The following RUFY4 variants were observed in gnomAD, a reference collection of about 807,000 sequenced individuals.
RUFY4 encodes the protein RUN and FYVE domain-containing protein 4.
A neutral mutation model predicts 69.0 loss-of-function variants in RUFY4; 73 were observed. The ratio of observed to expected loss-of-function variants is 1.06; its 90% confidence interval spans 0.88 to 1.29. The LOEUF (loss-of-function observed/expected upper bound fraction) is 1.29, where lower values mean the gene tolerates loss of function less well. Among genes scored for constraint, RUFY4 ranks in the 50% most tolerant of loss-of-function variants. The pLI, the probability that RUFY4 is intolerant of heterozygous loss-of-function variation, is 0.00. For synonymous variants in RUFY4, 287 were observed against 271.8 expected, an observed-to-expected ratio of 1.06 and a Z score of -0.55; for missense variants, 770 against 705.6, an observed-to-expected ratio of 1.09 and a Z score of -1.03.
chr2:218,050,703 T>C (rs1034077092), intron 2 of RUFY4, among the ~76,000 whole-genome samples: 1 of 152,242 alleles, frequency 6.6e-6, no homozygotes, highest in Non-Finnish European at 1.5e-5. Flanking sequence ...GTGTTATATT[T>C]GTCTCTGCTA....
At chr2:218,059,547 T>G (rs939990809) in intron 3 of RUFY4, 1 of 167,014 alleles carries the variant, frequency 6.0e-6, no homozygotes, top group Non-Finnish European at 1.5e-5. Context: ...TCTGGCTTAT[T>G]TCACTTAGCA....
At chr2:218,035,840 C>A (rs765437721) in intron 2 of RUFY4, among the ~76,000 whole-genome samples, 1 of 152,248 alleles carries the variant, frequency 6.6e-6, no homozygotes, top group Non-Finnish European at 1.5e-5. Context: ...TCTGCAACCT[C>A]TCCTCAAAGA....
rs375788087 is a variant in RUFY4, at chr2:218,048,753, T to TA, written c.-1157-9834dup. Among the ~76,000 whole-genome samples the TA allele has an allele frequency of 3.6e-3, 551 of 152,122 alleles. 3 individuals carry two copies. Among genetic ancestry groups the TA allele is most frequent in the African/African-American group, 0.012 (484 of 41,504 alleles). On this transcript the variant is annotated intron_variant and NMD_transcript_variant, in intron 2 of 13. Coordinates refer to the RUFY4 transcript ENST00000457754. The stretch of plus-strand genomic sequence containing the variant: ...TTGTACCTTGTAGGATTATGCCTTT[T>TA]AAAAAAAATCCCTTTAGTGTCATTT...
At chr2:218,070,504 T>C (rs1689460586) in exon 1 of RUFY4, 3 of 1,019,874 alleles carry the variant, frequency 2.9e-6, no homozygotes, top group Non-Finnish European at 4.4e-6. Context: ...CTGTAGGCTC[T>C]GCGTCCTGCT....
At chr2:218,067,984 G>A (rs1198477494), upstream of RUFY4, among the ~76,000 whole-genome samples, 2 of 152,226 alleles carry the variant, frequency 1.3e-5, no homozygotes, top group Non-Finnish European at 2.9e-5. Flanking sequence ...CCCTGGTGAT[G>A]CCAAACACCT....
chr2:218,042,784 A>G (rs1159669461), intron 2 of RUFY4, among the ~76,000 whole-genome samples: 1 of 152,212 alleles, frequency 6.6e-6, no homozygotes, highest in Non-Finnish European at 1.5e-5. Flanking sequence ...TCAAGACTCA[A>G]TCCAGTTTAT....
intron 8 of RUFY4, among the ~76,000 whole-genome samples, chr2:218,082,787 C>T (rs979663548): frequency 2.1e-5 from 3 of 145,064 alleles, no homozygotes; most frequent in Admixed American, 6.9e-5. Context: ...GTTGTGTGTG[C>T]GTTAAGTCTG....
chr2:218,082,929 T>C (rs1175546211), intron 8 of RUFY4, among the ~76,000 whole-genome samples, 181 bp from the exon 11 acceptor site: 1 of 51,372 alleles, frequency 1.9e-5, no homozygotes, highest in African/African-American at 6.0e-5. Flanking sequence ...TATTAGGGTG[T>C]GTGTTGTGTT....
chr2:218,038,265 GA>G (rs1009975935), intron 2 of RUFY4, among the ~76,000 whole-genome samples: 4 of 151,444 alleles, frequency 2.6e-5, no homozygotes, highest in African/African-American at 7.3e-5. Context: ...AAAAACACCA[GA>G]AAAAAAAGCA....
upstream of RUFY4, among the ~76,000 whole-genome samples, chr2:218,070,118 T>C (rs1034688020): frequency 2.6e-5 from 4 of 151,528 alleles, no homozygotes; most frequent in East Asian, 3.9e-4. Context: ...GGGGAAGGAG[T>C]GGACACCCCC....
At chr2:218,051,410 T>C (rs1688940122) in intron 2 of RUFY4, among the ~76,000 whole-genome samples, 1 of 151,702 alleles carries the variant, frequency 6.6e-6, no homozygotes, top group Non-Finnish European at 1.5e-5. Flanking sequence ...AAAATTAAGG[T>C]TTCTAAAATT....
At chr2:218,064,493 C>T (rs1259397492), upstream of RUFY4, among the ~76,000 whole-genome samples, 1 of 152,234 alleles carries the variant, frequency 6.6e-6, no homozygotes, top group African/African-American at 2.4e-5. Context: ...CTCGCTCCAT[C>T]CCACAACCCT....
intron 8 of RUFY4, among the ~76,000 whole-genome samples, chr2:218,076,955 T>C (rs925362519): frequency 3.9e-5 from 6 of 152,236 alleles, no homozygotes; most frequent in African/African-American, 1.4e-4. Flanking sequence ...CTTCCTGTTA[T>C]GCCACCTCTC....
intron 2 of RUFY4, among the ~76,000 whole-genome samples, chr2:218,044,052 G>A (rs1688764244): frequency 6.6e-6 from 1 of 152,254 alleles, no homozygotes; most frequent in Admixed American, 6.5e-5. Flanking sequence ...GGCACCGGGA[G>A]TGGGGAGAGA....
In RUFY4 at chr2:218,072,763, C is replaced by G; in HGVS notation, c.280-16C>G. 1 of 1,504,928 alleles carries G rather than the reference C, an allele frequency of 6.6e-7. No homozygotes were observed. Among genetic ancestry groups the G allele is most frequent in the Non-Finnish European group, 8.9e-7 (1 of 1,129,538 alleles). The allele number at this position is 1,504,928 out of a possible 1,614,324, so 93.2% of individuals were successfully genotyped here. A position where few individuals can be genotyped will look rare whatever the true frequency, so the allele number is the denominator to read the frequency against. The stretch of plus-strand genomic sequence containing the variant: ...TCCTAATACTGCTCCCCATTCTGCC[C>G]CTGTGCACTCTGCAGTTGAAGACCC... On this transcript the variant is annotated splice_polypyrimidine_tract_variant and intron_variant, in intron 3 of 10. Coordinates refer to ENST00000344321, the Ensembl canonical transcript of RUFY4.
intron 2 of RUFY4, among the ~76,000 whole-genome samples, chr2:218,037,051 G>A (rs1444713140): frequency 6.6e-6 from 1 of 152,200 alleles, no homozygotes; most frequent in South Asian, 2.1e-4. Context: ...GGGTGCAGTG[G>A]CTCAAGCCTG....
intron 3 of RUFY4, chr2:218,060,725 A>G: frequency 7.1e-7 from 1 of 1,408,448 alleles, no homozygotes; most frequent in Non-Finnish European, 1.0e-6. Flanking sequence ...TGCAGGGTGA[A>G]TCTGTAGCAG....
intron 2 of RUFY4, among the ~76,000 whole-genome samples, chr2:218,055,029 C>T (rs1013205430): frequency 6.6e-6 from 1 of 152,070 alleles, no homozygotes; most frequent in South Asian, 2.1e-4. Flanking sequence ...AACCTATTTC[C>T]GGGTACTGCA....
chr2:218,054,504 A>C (rs888038200), intron 2 of RUFY4, among the ~76,000 whole-genome samples: 4 of 151,724 alleles, frequency 2.6e-5, no homozygotes, highest in Non-Finnish European at 4.4e-5. Context: ...GCAGTGAGCC[A>C]AGATCACACA....
Sources: gnomAD v4.1 joint callset for allele counts (sites outside exome capture counted in the v4.1 genomes callset) on GRCh38, gnomAD v4.1.1 for gene constraint, MANE v1.5 for transcripts, NCBI Gene and HGNC (gene_info 2026-07-23, HGNC 2026-07-21) for gene names.